The following ATP8A2 variants were observed in gnomAD, a reference collection of about 807,000 sequenced individuals.
The protein encoded by ATP8A2 is ATPase phospholipid transporting 8A2, also known as phospholipid-transporting ATPase IB.
A neutral mutation model predicts 165.6 loss-of-function variants in ATP8A2; 100 were observed. The ratio of observed to expected loss-of-function variants is 0.60; its 90% CI spans 0.51 to 0.71. ATP8A2 has a LOEUF of 0.71. ATP8A2 is among the 30% of genes least tolerant of loss of function. The pLI is 0.00. For missense variants in ATP8A2, 1,227 were observed against 1,479.5 expected, an observed-to-expected ratio of 0.83 and a Z score of 2.80; for synonymous variants, 543 against 548.8, an observed-to-expected ratio of 0.99 and a Z score of 0.15.
intron 35 of ATP8A2, among the ~76,000 whole-genome samples, chr13:25,970,902 A>G (rs934259306): frequency 1.3e-5 from 2 of 152,230 alleles, no homozygotes; most frequent in African/African-American, 4.8e-5. Flanking sequence ...TCAAATGGAT[A>G]TCAGAAAATA....
chr13:25,562,740 G>A (rs2039195970), intron 15 of ATP8A2, among the ~76,000 whole-genome samples: 1 of 152,166 alleles, frequency 6.6e-6, no homozygotes, highest in Non-Finnish European at 1.5e-5. Context: ...CCACATGTGT[G>A]CCTGTGTGCC....
intron 35 of ATP8A2, among the ~76,000 whole-genome samples, chr13:25,977,421 G>C (rs1253375197): frequency 6.6e-6 from 1 of 152,194 alleles, no homozygotes; most frequent in Non-Finnish European, 1.5e-5. Context: ...GGGAGTGAAT[G>C]TGGCAGGAAA....
chr13:25,382,629 A>G (rs530448237), intron 1 of ATP8A2, among the ~76,000 whole-genome samples: 1 of 152,286 alleles, frequency 6.6e-6, no homozygotes, highest in African/African-American at 2.4e-5. Context: ...TAGCCATTTG[A>G]TAGATGTGTA....
rs192151583 is a variant in ATP8A2 at position 25,560,592 on chromosome 13, C to T, written c.1397+827C>T. On this transcript the variant is annotated intron_variant, in intron 15 of 36. Transcript: ENST00000381655. ...GCGGGTGCCTGTAATCTCAGCTACT[C>T]GGGAGGCTGAGGCAGGAGAATCAGT... Among the ~76,000 whole-genome samples, 174 of 146,110 alleles carry T rather than the reference C, an allele frequency of 1.2e-3. 4 individuals carry two copies. In the East Asian group the frequency reaches 0.034, roughly 29 times the overall value.
At chr13:25,529,925 A>G (rs2037975859) in intron 2 of ATP8A2, 74 bp from the exon 3 acceptor site, 1 of 825,052 alleles carries the variant, frequency 1.2e-6, no homozygotes, top group East Asian at 2.6e-5. Context: ...AAACTTTCTA[A>G]ACTTCTTGTC....
chr13:25,473,113 C>T (rs2035893216), intron 2 of ATP8A2, among the ~76,000 whole-genome samples: 2 of 152,178 alleles, frequency 1.3e-5, no homozygotes, highest in South Asian at 4.1e-4. Flanking sequence ...GTGGCCTCAG[C>T]ACCCCCAGGG....
At chr13:25,961,281 C>G (rs1415799080) in intron 33 of ATP8A2, among the ~76,000 whole-genome samples, 2 of 152,122 alleles carry the variant, frequency 1.3e-5, no homozygotes, top group African/African-American at 4.8e-5. Flanking sequence ...CAACAGCTCT[C>G]TTTAGGAAGG....
chr13:25,530,238 G>GA (rs1486419216), intron 3 of ATP8A2, 140 bp downstream of exon 3: 1 of 629,436 alleles, frequency 1.6e-6, no homozygotes, highest in Non-Finnish European at 2.8e-6. Context: ...TTGATAGAGT[G>GA]AACAAGCCTG....
chr13:26,001,985 T>A (rs143490278), intron 35 of ATP8A2, among the ~76,000 whole-genome samples: 1 of 152,238 alleles, frequency 6.6e-6, no homozygotes, highest in Admixed American at 6.5e-5. Flanking sequence ...TTGTTCTAGC[T>A]CTTATATTTA....
chr13:25,554,593 C>G (rs2038924543), intron 12 of ATP8A2, among the ~76,000 whole-genome samples: 1 of 150,892 alleles, frequency 6.6e-6, no homozygotes, highest in Non-Finnish European at 1.5e-5. Flanking sequence ...AAGTCTTGTG[C>G]TGTCACCCAG....
chr13:25,987,551 A>C (rs1248134453), intron 35 of ATP8A2, among the ~76,000 whole-genome samples: 1 of 152,182 alleles, frequency 6.6e-6, no homozygotes, highest in South Asian at 2.1e-4. Flanking sequence ...ACACTGGCAA[A>C]GTCAGCATGC....
intron 33 of ATP8A2, among the ~76,000 whole-genome samples, chr13:25,878,483 C>CAGCCCCAA (rs772172515): frequency 8.1e-5 from 12 of 148,660 alleles, no homozygotes; most frequent in East Asian, 2.0e-4. Flanking sequence ...ATAGGCAGAG[C>CAGCCCCAA]TGGTGGGAGT....
rs768580586 is a variant in ATP8A2 at position 25,571,752 on chromosome 13, A to T, written c.1662+60A>T. On this transcript the variant is annotated intron_variant, in intron 18 of 36. Coordinates refer to ENST00000381655, the MANE Select transcript of ATP8A2 (RefSeq NM_016529.6). ...TGCTTTTGTGAAGATTGTGTGTGTG[A>T]AATGGCATGTCTATTGTAAATATGA... 41 of 1,361,550 alleles carry T rather than the reference A, an allele frequency of 3.0e-5. 1 individual carries two copies. In the East Asian group the frequency reaches 8.9e-4, roughly 30 times the overall value. The allele number at this position is 1,361,550 out of a possible 1,614,324, so 84.3% of individuals were successfully genotyped here.
At chr13:25,863,754 G>C (rs370683817) in intron 33 of ATP8A2, 1 of 152,220 alleles carries the variant, frequency 6.6e-6, no homozygotes. Flanking sequence ...AGCCCAGGTC[G>C]TCTGAGACCT....
At chr13:25,768,219 T>C (rs1489850783) in intron 25 of ATP8A2, among the ~76,000 whole-genome samples, 2 of 152,262 alleles carry the variant, frequency 1.3e-5, no homozygotes, top group East Asian at 3.9e-4. Flanking sequence ...CGTGTTGCTG[T>C]GTTTTGTGGT....
chr13:25,689,680 T>A (rs576294188), intron 24 of ATP8A2, among the ~76,000 whole-genome samples: 1 of 152,338 alleles, frequency 6.6e-6, no homozygotes, highest in East Asian at 1.9e-4. Flanking sequence ...ATATTAAATG[T>A]GGCATTGATT....
intron 2 of ATP8A2, among the ~76,000 whole-genome samples, chr13:25,505,942 C>T (rs957811963): frequency 3.3e-5 from 5 of 152,272 alleles, no homozygotes; most frequent in African/African-American, 9.6e-5. Flanking sequence ...AAAATGATGG[C>T]CTCCACTGCA....
chr13:25,515,049 G>A (rs563168958), intron 2 of ATP8A2, among the ~76,000 whole-genome samples: 1 of 152,334 alleles, frequency 6.6e-6, no homozygotes, highest in Non-Finnish European at 1.5e-5. Flanking sequence ...TCCCTAGTGT[G>A]GGCGGCCCCA....
intron 16 of ATP8A2, among the ~76,000 whole-genome samples, chr13:25,569,440 A>G (rs1351651767): frequency 6.6e-6 from 1 of 152,214 alleles, no homozygotes; most frequent in Non-Finnish European, 1.5e-5. Flanking sequence ...CAAAAGAGGA[A>G]ACACATAGCT....
Sources: gnomAD v4.1 joint callset for allele counts (sites outside exome capture counted in the v4.1 genomes callset) on GRCh38, gnomAD v4.1.1 for gene constraint, MANE v1.5 for transcripts, NCBI Gene and HGNC (gene_info 2026-07-23, HGNC 2026-07-21) for gene names.